The following DGKB variants were observed in gnomAD, a reference collection of about 807,000 sequenced individuals.
The protein encoded by DGKB is diacylglycerol kinase beta, also known as 90 kDa diacylglycerol kinase.
In DGKB, 67 loss-of-function variants were observed where a neutral mutation model predicts 114.3. That is an observed-to-expected ratio of 0.59 (90% confidence interval 0.48 to 0.72). The LOEUF (loss-of-function observed/expected upper bound fraction) is 0.72, where lower values mean the gene tolerates loss of function less well. Among genes scored for constraint, DGKB ranks in the 30% least tolerant of loss-of-function variants. The pLI is 0.00. For synonymous variants in DGKB, 398 were observed against 323.1 expected, an observed-to-expected ratio of 1.23 and a Z score of -2.49; for missense variants, 907 against 975.2, an observed-to-expected ratio of 0.93 and a Z score of 0.93.
At chr7:14,824,860 G>A (rs1001574226) in intron 2 of DGKB, among the ~76,000 whole-genome samples, 1 of 150,666 alleles carries the variant, frequency 6.6e-6, no homozygotes, top group Non-Finnish European at 1.5e-5. Flanking sequence ...TTTGATTATT[G>A]TAATAATATA....
chr7:14,951,086 T>TAGAA lies in DGKB; in HGVS notation c.-188+23606_-188+23609dup, dbSNP rs563302953. On this transcript the variant is annotated intron_variant, in intron 1 of 4. Coordinates refer to the DGKB transcript ENST00000437998. The stretch of plus-strand genomic sequence containing the variant: ...GTGGAAAAATCACTAAAACTAGGAA[T>TAGAA]AGAAGGTAACTTCCTCAGTCTGATA... 1.6e-4 allele frequency among the ~76,000 whole-genome samples: 24 copies of TAGAA among 152,010 alleles called. No individual in the cohort carries two copies. In the South Asian group the frequency reaches 4.8e-3, roughly 30 times the overall value.
chr7:14,313,822 G>C (rs1359115862), intron 23 of DGKB, among the ~76,000 whole-genome samples: 1 of 152,170 alleles, frequency 6.6e-6, no homozygotes, highest in Non-Finnish European at 1.5e-5. Flanking sequence ...CTCCACCTCT[G>C]GGGGCAGGGC....
intron 23 of DGKB, among the ~76,000 whole-genome samples, chr7:14,300,971 G>A (rs1803442420): frequency 6.0e-5 from 1 of 16,806 alleles, no homozygotes; most frequent in African/African-American, 1.3e-4. Flanking sequence ...CCTCTAACTG[G>A]ATGCAGATTA....
chr7:14,738,769 A>C (rs2128406333), intron 4 of DGKB, among the ~76,000 whole-genome samples: 1 of 152,344 alleles, frequency 6.6e-6, no homozygotes, highest in East Asian at 1.9e-4. Flanking sequence ...AGCTGGTAAT[A>C]AAATGTGAAC....
chr7:14,366,567 A>G (rs946646653), intron 21 of DGKB, among the ~76,000 whole-genome samples: 1 of 152,104 alleles, frequency 6.6e-6, no homozygotes, highest in African/African-American at 2.4e-5. Flanking sequence ...TTTCACATTT[A>G]CTGCTTTCTT....
chr7:14,302,655 T>G (rs1348235769), intron 23 of DGKB, among the ~76,000 whole-genome samples: 2 of 152,064 alleles, frequency 1.3e-5, no homozygotes, highest in Non-Finnish European at 2.9e-5. Flanking sequence ...TGATCCATAA[T>G]TGTTTCCCAA....
At chr7:14,506,347 C>T (rs895086161) in intron 20 of DGKB, among the ~76,000 whole-genome samples, 1 of 152,046 alleles carries the variant, frequency 6.6e-6, no homozygotes, top group Non-Finnish European at 1.5e-5. Context: ...AAAATTCCTA[C>T]AGTTAAAAAC....
chr7:14,799,804 T>C (rs1841907133), intron 2 of DGKB, among the ~76,000 whole-genome samples: 2 of 152,212 alleles, frequency 1.3e-5, no homozygotes, highest in African/African-American at 4.8e-5. Flanking sequence ...AATTGGGCCA[T>C]ATGAACCAGC....
At chr7:14,683,312 T>C (rs990103168) in intron 10 of DGKB, among the ~76,000 whole-genome samples, 2 of 152,172 alleles carry the variant, frequency 1.3e-5, no homozygotes, top group African/African-American at 4.8e-5. Context: ...GATTAGTCTA[T>C]TTCCAGAGAA....
At chr7:14,401,543 G>A (rs1823101911) in intron 21 of DGKB, among the ~76,000 whole-genome samples, 1 of 151,862 alleles carries the variant, frequency 6.6e-6, no homozygotes, top group Admixed American at 6.6e-5. Flanking sequence ...GTTTATGACA[G>A]CTCTGGCTGA....
intron 9 of DGKB, among the ~76,000 whole-genome samples, chr7:14,686,206 C>T (rs1468863677): frequency 6.6e-6 from 1 of 152,040 alleles, no homozygotes; most frequent in Non-Finnish European, 1.5e-5. Context: ...GTAAAACTCT[C>T]TATATCATAA....
chr7:14,845,168 TC>T (rs1256919673), intron 1 of DGKB, among the ~76,000 whole-genome samples: 1 of 134,378 alleles, frequency 7.4e-6, no homozygotes, highest in Non-Finnish European at 1.7e-5. Flanking sequence ...AAGAAAAATA[TC>T]CCCCAGTTCA....
At chr7:14,528,009 A>G (rs1239492967) in intron 20 of DGKB, among the ~76,000 whole-genome samples, 2 of 152,220 alleles carry the variant, frequency 1.3e-5, no homozygotes, top group Middle Eastern at 3.4e-3. Context: ...GTTTGTTAGT[A>G]CCCAAAAAAG....
chr7:14,742,763 T>G (rs921815310), intron 4 of DGKB, among the ~76,000 whole-genome samples: 1 of 152,190 alleles, frequency 6.6e-6, no homozygotes, highest in African/African-American at 2.4e-5. Context: ...TTATAACATG[T>G]AATTGAGACC....
intron 17 of DGKB, among the ~76,000 whole-genome samples, chr7:14,591,261 T>C (rs1563613610): frequency 6.6e-6 from 1 of 152,164 alleles, no homozygotes; most frequent in African/African-American, 2.4e-5. Flanking sequence ...CTGCGTATTG[T>C]ACTTTTTACC....
intron 1 of DGKB, among the ~76,000 whole-genome samples, chr7:14,846,333 G>A (rs1440803348): frequency 6.6e-6 from 1 of 152,094 alleles, no homozygotes; most frequent in African/African-American, 2.4e-5. Flanking sequence ...CTCATCACGT[G>A]ATATGACATG....
chr7:14,351,070 C>A (rs10255276), intron 21 of DGKB, among the ~76,000 whole-genome samples: 3 of 151,992 alleles, frequency 2.0e-5, no homozygotes, highest in Admixed American at 6.6e-5. Flanking sequence ...ATGGCATAGC[C>A]GGAATTTGGA....
intron 1 of DGKB, among the ~76,000 whole-genome samples, chr7:14,915,685 A>G (rs1784208184): frequency 6.6e-6 from 1 of 152,166 alleles, no homozygotes; most frequent in South Asian, 2.1e-4. Context: ...TGGAAAGAAA[A>G]AAACCCACCA....
intron 2 of DGKB, among the ~76,000 whole-genome samples, chr7:14,779,787 T>C (rs1403903751): frequency 6.6e-6 from 1 of 152,142 alleles, no homozygotes; most frequent in Non-Finnish European, 1.5e-5. Flanking sequence ...CTGGTTTTAG[T>C]CTTCTGATTG....
Sources: gnomAD v4.1 joint callset for allele counts (sites outside exome capture counted in the v4.1 genomes callset) on GRCh38, gnomAD v4.1.1 for gene constraint, MANE v1.5 for transcripts, NCBI Gene and HGNC (gene_info 2026-07-23, HGNC 2026-07-21) for gene names.